PHLDB1: variants seen among roughly 807,000 people sequenced by gnomAD.
PHLDB1 encodes the protein pleckstrin homology-like domain family B member 1.
In PHLDB1, 65 loss-of-function variants were observed where a neutral mutation model predicts 139.3. The observed-to-expected ratio is 0.47, with a 90% CI of 0.38 to 0.57. PHLDB1 has a LOEUF of 0.57. Among genes scored for constraint, PHLDB1 ranks in the 20% least tolerant of loss-of-function variants. The pLI, the probability that PHLDB1 is intolerant of heterozygous loss-of-function variation, is 0.00. For synonymous variants in PHLDB1, 679 were observed against 734.5 expected, an observed-to-expected ratio of 0.92 and a Z score of 1.22; for missense variants, 1,624 against 1,839.7, an observed-to-expected ratio of 0.88 and a Z score of 2.14.
Position 118,645,913 on chromosome 11 carries a change from C to G in PHLDB1, c.3507+88C>G, listed in dbSNP as rs1287530496. ...CAAGGGCCTGTGCTCCACCCCAAGC[C>G]CTTCCACCCACATTAGCCTTGCCAC... On this transcript the variant is annotated intron_variant, in intron 17 of 22. Transcript: ENST00000600882. The surrounding 1 kb of genome is among the most constrained non-coding windows in gnomAD (Gnocchi z 5.1). 1.2e-5 allele frequency: 10 copies of G among 852,916 alleles called. No individual in the cohort carries two copies. In the Admixed American group the frequency reaches 1.7e-4, roughly 15 times the overall value. The allele number at this position is 852,916 out of a possible 1,614,324, so 52.8% of individuals were successfully genotyped here.
intron 7 of PHLDB1, 21 bp from the exon 8 acceptor site, chr11:118,631,892 G>A (rs782126091): frequency 4.4e-6 from 7 of 1,592,682 alleles, no homozygotes; most frequent in Admixed American, 1.8e-5. Context: ...TTCCTCAGTT[G>A]ATAGCTTCCC....
Position 118,608,906 on chromosome 11 carries a change from A to G in PHLDB1, c.-22+1207A>G, listed in dbSNP as rs1939602261. Reference sequence around the variant, plus strand: ...CACATGCACCCCAGTCACACAGCCTACCTCACACACGCACCCCAGTCACAC... The same window carrying G: ...CACATGCACCCCAGTCACACAGCCTGCCTCACACACGCACCCCAGTCACAC... On this transcript the variant is annotated intron_variant, in intron 1 of 22. Transcript: ENST00000600882. This position sits in a 1 kb window ranked among gnomAD's most constrained non-coding sequence, Gnocchi z 6.7. Among the ~76,000 whole-genome samples, 1 of 149,582 alleles carries G rather than the reference A, an allele frequency of 6.7e-6. No homozygotes were observed. Among genetic ancestry groups the G allele is most frequent in the Non-Finnish European group, 1.5e-5 (1 of 67,256 alleles).
At chr11:118,641,652 C>A in intron 12 of PHLDB1, 1 of 1,288,390 alleles carries the variant, frequency 7.8e-7, no homozygotes, top group Non-Finnish European at 1.0e-6. Context: ...TGCGGGGCAC[C>A]TCGCCCATGC....
At chr11:118,655,024 A>G (rs1019533651) in intron 20 of PHLDB1, 12 of 152,294 alleles carry the variant, frequency 7.9e-5, no homozygotes, top group African/African-American at 2.7e-4. Flanking sequence ...GGCCTATATC[A>G]TTTTACTTAA....
At chr11:118,607,260 G>A (rs1939346129), upstream of PHLDB1, among the ~76,000 whole-genome samples, 1 of 141,810 alleles carries the variant, frequency 7.1e-6, no homozygotes, top group Admixed American at 7.3e-5. Context: ...TCTCAAAAGC[G>A]TGTTAAAGCC....
At position 118,645,853 on chromosome 11, in the gene PHLDB1, G is replaced by A. The variant is rs782287585; in HGVS notation, c.3507+28G>A. 6 of 1,459,272 alleles carry A rather than the reference G, an allele frequency of 4.1e-6. No homozygotes were observed. Among genetic ancestry groups the A allele is most frequent in the Non-Finnish European group, 4.8e-6 (5 of 1,039,402 alleles). 90.4% of individuals were successfully genotyped at this position (1,459,272 alleles called of 1,614,324 possible). ...GAGTCTGACCTGGATCGGGGAGGCA[G>A]AAGGTGTTGGGGCACAGAGCTACCT... On this transcript the variant is annotated intron_variant, in intron 17 of 22. Transcript: ENST00000600882. The surrounding 1 kb of genome is among the most constrained non-coding windows in gnomAD (Gnocchi z 5.1).
chr11:118,623,213 C>T (rs1943162714), intron 4 of PHLDB1, among the ~76,000 whole-genome samples: 2 of 152,218 alleles, frequency 1.3e-5, no homozygotes, highest in African/African-American at 4.8e-5. Flanking sequence ...CCAAGTGGCA[C>T]CAGATTGGGT....
Position 118,650,344 on chromosome 11 carries a change from G to T in PHLDB1, c.3772-101G>T, listed in dbSNP as rs1049909674. On this transcript the variant is annotated intron_variant, in intron 19 of 22. Coordinates refer to ENST00000600882, the MANE Select transcript of PHLDB1 (RefSeq NM_001144758.3). This position sits in a 1 kb window ranked among gnomAD's most constrained non-coding sequence, Gnocchi z 4.7. ...ACCTGGTGTGCTGGCCTGAGGAGAT[G>T]TTGGGGACAATCCCCCATGAATACA... is the stretch of plus-strand genomic sequence containing the variant. 2.0e-6 allele frequency: 2 copies of T among 1,011,566 alleles called. No homozygotes were observed. Among genetic ancestry groups the T allele is most frequent in the Non-Finnish European group, 3.2e-6 (2 of 632,558 alleles). 62.7% of individuals were successfully genotyped at this position (1,011,566 alleles called of 1,614,324 possible).
At chr11:118,607,329 T>TGTG (rs60326273), upstream of PHLDB1, among the ~76,000 whole-genome samples, 161 of 57,642 alleles carry the variant, frequency 2.8e-3, 1 homozygote, top group Middle Eastern at 6.8e-3. Context: ...GAGGGGGATG[T>TGTG]GTGGTGGTGG....
intron 1 of PHLDB1, among the ~76,000 whole-genome samples, chr11:118,609,111 G>C (rs1360619576): frequency 7.7e-6 from 1 of 129,056 alleles, no homozygotes; most frequent in Non-Finnish European, 1.6e-5. Context: ...GCTCATGCAA[G>C]CAGCCCGTCA....
chr11:118,619,721 T>C (rs1942378301), intron 4 of PHLDB1, among the ~76,000 whole-genome samples: 1 of 152,226 alleles, frequency 6.6e-6, no homozygotes. Flanking sequence ...TTCTTCCTTT[T>C]TCCTCAGAAG....
At position 118,639,389 on chromosome 11, in the gene PHLDB1, G is replaced by A. The variant is rs1341895066; in HGVS notation, c.2736+138G>A. 2.2e-5 allele frequency: 15 copies of A among 676,036 alleles called. 1 individual carries two copies. Among genetic ancestry groups the A allele is most frequent in the Non-Finnish European group, 4.0e-5 (15 of 373,694 alleles). The allele number at this position is 676,036 out of a possible 1,614,324, so 41.9% of individuals were successfully genotyped here. On this transcript the variant is annotated intron_variant, in intron 12 of 22. Transcript: ENST00000600882. Reference sequence around the variant, plus strand: ...GAATGGGAGAGATTTGAGGAGGAATGGCCCCAAGCTCTGGGATTTGATTTT... The same window carrying A: ...GAATGGGAGAGATTTGAGGAGGAATAGCCCCAAGCTCTGGGATTTGATTTT...
intron 1 of PHLDB1, among the ~76,000 whole-genome samples, chr11:118,609,295 GTTACACACACAGCCCAGC>G (rs538704131): frequency 0.38 from 40,780 of 108,548 alleles, 7,548 homozygotes; most frequent in African/African-American, 0.55. Flanking sequence ...CACAGCCCCA[GTTACACACACAGCCCAGC>G]TTACACACAC....
At chr11:118,622,627 C>T (rs1231660041) in intron 4 of PHLDB1, among the ~76,000 whole-genome samples, 1 of 152,176 alleles carries the variant, frequency 6.6e-6, no homozygotes, top group African/African-American at 2.4e-5. Flanking sequence ...CTCAGACTCC[C>T]TGCCTCCTTC....
chr11:118,642,996 C>T (rs1343610471), intron 13 of PHLDB1, among the ~76,000 whole-genome samples: 1 of 152,208 alleles, frequency 6.6e-6, no homozygotes, highest in East Asian at 1.9e-4. Flanking sequence ...CTCAGGTTTC[C>T]TCCACTGACC....
chr11:118,648,439 C>A (rs1947894011), intron 18 of PHLDB1, among the ~76,000 whole-genome samples: 1 of 151,926 alleles, frequency 6.6e-6, no homozygotes, highest in African/African-American at 2.4e-5. Flanking sequence ...AGTCAAGAAT[C>A]AGAGTGGCTC....
At chr11:118,626,978 T>G in intron 5 of PHLDB1, 1 of 336,718 alleles carries the variant, frequency 3.0e-6, no homozygotes, top group South Asian at 3.2e-5. Flanking sequence ...TGAGGAGGGA[T>G]ATAGGATATA....
chr11:118,655,615 G>A lies in PHLDB1; in HGVS notation c.3885G>A (p.Glu1295=). Residue 1295 remains glutamate (E), a synonymous_variant, in exon 21 of 23, where the codon GAG becomes GAA. Coordinates refer to ENST00000600882, the MANE Select transcript of PHLDB1 (RefSeq NM_001144758.3). ...RTLSYYVDKH[E]TKLKGVIYFQ... The stretch of plus-strand genomic sequence containing the variant: ...TTACTTGCTTTGCAGACAAGCATGA[G>A]ACGAAGCTGAAGGGAGTCATCTATT... 6.2e-7 allele frequency: 1 copy of A among 1,611,878 alleles called. No individual in the cohort carries two copies. Among genetic ancestry groups the A allele is most frequent in the Non-Finnish European group, 8.5e-7 (1 of 1,178,082 alleles).
rs1944935232 is a variant in PHLDB1, at chr11:118,632,266, G to A, written c.2349G>A (p.Leu783=). 2 of 1,613,270 alleles carry A rather than the reference G, an allele frequency of 1.2e-6. No individual in the cohort carries two copies. Among genetic ancestry groups the A allele is most frequent in the African/African-American group, 1.3e-5 (1 of 74,916 alleles). The part of the protein sequence containing the change: ...VDQLQEKLVA[L]ETGIQKERDK... ...AGCTGCAGGAGAAGCTGGTGGCCTTGGAGACAGGCATCCAGAAGGAGAGGG... is the reference window on the plus strand; with the variant it reads ...AGCTGCAGGAGAAGCTGGTGGCCTTAGAGACAGGCATCCAGAAGGAGAGGG... The change falls in exon 9 of 23, where the codon TTG becomes TTA. Residue 783 remains leucine (L), a synonymous_variant. Coordinates refer to ENST00000600882, the MANE Select transcript of PHLDB1 (RefSeq NM_001144758.3). The surrounding 1 kb of genome is among the most constrained non-coding windows in gnomAD (Gnocchi z 5.9).
Sources: gnomAD v4.1 joint callset for allele counts (sites outside exome capture counted in the v4.1 genomes callset) on GRCh38, gnomAD v4.1.1 for gene constraint, Gnocchi (gnomAD v3.1) non-coding constraint, MANE v1.5 for transcripts, NCBI Gene and HGNC (gene_info 2026-07-23, HGNC 2026-07-21) for gene names.